COL2A1: variants seen among roughly 807,000 people sequenced by gnomAD.
The protein encoded by COL2A1 is collagen alpha-1(II) chain.
Under a neutral mutation model 204.5 loss-of-function variants are expected in COL2A1, and 28 were observed. The observed-to-expected ratio is 0.14, with a 90% CI of 0.10 to 0.19. The LOEUF (loss-of-function observed/expected upper bound fraction) is 0.19, where lower values mean the gene tolerates loss of function less well. COL2A1 is among the 10% of genes least tolerant of loss of function. COL2A1 has a pLI of 1.00. For missense variants in COL2A1, 1,388 were observed against 2,027.5 expected (o/e 0.68, Z 6.06); for synonymous variants, 708 against 718.7 (o/e 0.99, Z 0.24).
Position 47,978,974 on chromosome 12 carries a change from A to G in COL2A1, c.2734-216T>C, listed in dbSNP as rs1463293642. ...CTGGGCAGACAGCCCCAACTTCTCC[A>G]GCTCCTGCTTGCTTTGCTTTCTCCC... On this transcript the variant is annotated intron_variant, in intron 41 of 53. Coordinates refer to ENST00000380518, the MANE Select transcript of COL2A1 (RefSeq NM_001844.5). This position sits in a 1 kb window ranked among gnomAD's most constrained non-coding sequence, Gnocchi z 5.5. Among the ~76,000 whole-genome samples the G allele has an allele frequency of 6.6e-6, 1 of 151,414 alleles. No homozygotes were observed. Among genetic ancestry groups the G allele is most frequent in the Non-Finnish European group, 1.5e-5 (1 of 67,874 alleles).
At chr12:47,984,468 A>T (rs1939272561) in intron 28 of COL2A1, 78 bp downstream of exon 28, 1 of 1,455,840 alleles carries the variant, frequency 6.9e-7, no homozygotes, top group Non-Finnish European at 9.6e-7. Context: ...GGACCATGCC[A>T]TGGGGAGGCC....
intron 53 of COL2A1, among the ~76,000 whole-genome samples, chr12:47,973,771 C>T (rs1016724735): frequency 6.6e-6 from 1 of 152,150 alleles, no homozygotes; most frequent in African/African-American, 2.4e-5. Context: ...CTGCCCTTCC[C>T]CTCCTTCCCC....
Position 47,992,900 on chromosome 12 carries a change from C to T in COL2A1, c.1001G>A (p.Arg334Gln), listed in dbSNP as rs765231668. The change falls in exon 16 of 54, where the codon CGG becomes CAG. Residue 334 changes from arginine (R) to glutamine (Q), a missense_variant. Coordinates refer to ENST00000380518, the MANE Select transcript of COL2A1 (RefSeq NM_001844.5). The stretch of plus-strand genomic sequence containing the variant: ...CACCGCAGCGCCAGCAGGGCCAGTC[C>T]GTCCTCTTTCACCAGGCAGGCCACG... ...GPRGLPGERG[R>Q]TGPAGAAGAR... 8.1e-6 allele frequency: 13 copies of T among 1,614,086 alleles called. No individual in the cohort carries two copies. In the East Asian group the frequency reaches 1.3e-4, roughly 17 times the overall value.
intron 4 of COL2A1, 27 bp downstream of exon 4, chr12:47,998,142 T>C (rs1592236238): frequency 1.9e-6 from 3 of 1,614,086 alleles, no homozygotes; most frequent in South Asian, 1.1e-5. Context: ...GCAGCTGCAA[T>C]ACCGGGTGAG....
intron 27 of COL2A1, 65 bp from the exon 28 acceptor site, chr12:47,984,664 G>C (rs997430716): frequency 3.3e-6 from 5 of 1,492,680 alleles, no homozygotes; most frequent in African/African-American, 1.4e-5. Context: ...GGCAGAGCGG[G>C]CTGCAGGGAC....
chr12:47,985,643 A>G, intron 25 of COL2A1, 56 bp from the exon 26 acceptor site: 1 of 1,607,064 alleles, frequency 6.2e-7, no homozygotes, highest in Non-Finnish European at 8.5e-7. Context: ...GGACCTCCCA[A>G]TCCTGGCAGT....
At chr12:47,995,501 G>C (rs1201083765) in intron 10 of COL2A1, among the ~76,000 whole-genome samples, 193 bp from the exon 11 acceptor site, 5 of 152,220 alleles carry the variant, frequency 3.3e-5, no homozygotes, top group African/African-American at 1.2e-4. Context: ...CGGAAAGGGG[G>C]CTGTTAGGAC....
rs780774636 is a variant in COL2A1, at chr12:47,984,506, G to A, written c.1887+40C>T. On this transcript the variant is annotated intron_variant, in intron 28 of 53. Coordinates refer to ENST00000380518, the MANE Select transcript of COL2A1 (RefSeq NM_001844.5). ...TCCCCTGTCCTCCCTGCAGATGCCC[G>A]GCCAACACCAAGTCATGGGCAGCGG... 6.6e-5 allele frequency: 107 copies of A among 1,609,548 alleles called. No homozygotes were observed. In the South Asian group the frequency reaches 9.4e-4, roughly 14 times the overall value.
chr12:47,993,083 G>T, intron 15 of COL2A1, 152 bp from the exon 16 acceptor site: 2 of 763,586 alleles, frequency 2.6e-6, no homozygotes, highest in South Asian at 3.0e-5. Flanking sequence ...CTGGCTCCTT[G>T]ACTAGCCAGG....
Position 47,983,407 on chromosome 12 carries a change from T to G in COL2A1, c.2027A>C (p.Glu676Ala). ...GLPGPPGPPG[E>A]GGKPGDQGVP... ...CACCTGGTCACCTGGTTTTCCACCT[T>G]CACCTGGGGGACCAGGAGGGCCAGG... is the stretch of plus-strand genomic sequence containing the variant. Residue 676 changes from glutamate to alanine, a missense_variant, in exon 31 of 54, where the codon GAA becomes GCA. Physicochemically the swap from Glu to Ala is moderately radical, Grantham distance 107. Transcript: ENST00000380518. 6.2e-7 allele frequency: 1 copy of G among 1,614,070 alleles called. No homozygotes were observed.
At chr12:47,974,063 C>CTCT (rs1938568685) in intron 53 of COL2A1, 26 bp downstream of exon 53, 1 of 1,614,034 alleles carries the variant, frequency 6.2e-7, no homozygotes. Context: ...GCACAGGCAG[C>CTCT]TCTTCTCTCT....
intron 37 of COL2A1, 75 bp from the exon 38 acceptor site, chr12:47,981,043 T>C (rs2276458): frequency 1.8e-5 from 26 of 1,445,666 alleles, no homozygotes; most frequent in Non-Finnish European, 2.3e-5. Flanking sequence ...CAAGAGCCCC[T>C]TGGGCCCTGC....
rs190233819 is a variant in COL2A1 at position 47,987,411 on chromosome 12, T to C, written c.1222-98A>G. 2.5e-3 allele frequency: 3,326 copies of C among 1,328,584 alleles called. 13 individuals are homozygous for C. Among genetic ancestry groups the C allele is most frequent in the Non-Finnish European group, 3.2e-3 (2,952 of 931,088 alleles). 82.3% of individuals were successfully genotyped at this position (1,328,584 alleles called of 1,614,324 possible). Reference sequence around the variant, plus strand: ...ATCCAGGGACCTGGCATAGGTGCTGTCCATTTCAGGGACATTCCCACTATG... The same window carrying C: ...ATCCAGGGACCTGGCATAGGTGCTGCCCATTTCAGGGACATTCCCACTATG... On this transcript the variant is annotated intron_variant, in intron 19 of 53. Transcript: ENST00000380518. This position sits in a 1 kb window ranked among gnomAD's most constrained non-coding sequence, Gnocchi z 4.1.
Position 48,000,086 on chromosome 12 carries a change from T to C in COL2A1, c.125A>G (p.Asn42Ser). Residue 42 changes from asparagine to serine, a missense_variant, in exon 2 of 54, where the codon AAT becomes AGT. Asn to Ser is a conservative substitution (Grantham distance 46). Around this residue, in one of 3 missense-constraint regions of COL2A1, gnomAD observed 201 missense variants for 242.4 expected, o/e 0.83. Transcript: ENST00000380518. ...GSCVQDGQRY[N>S]DKDVWKPEPC... ...CTCCGGCTTCCACACATCCTTATCA[T>C]TATACCTCTGCCCATCCTGCACACA... is the stretch of plus-strand genomic sequence containing the variant. 6.2e-7 allele frequency: 1 copy of C among 1,613,686 alleles called. No homozygotes were observed. The highest frequency in any genetic ancestry group is 8.5e-7 in the Non-Finnish European group (1 of 1,179,996).
At chr12:47,984,726 G>A (rs1442538074) in intron 27 of COL2A1, 127 bp from the exon 28 acceptor site, 1 of 921,426 alleles carries the variant, frequency 1.1e-6, no homozygotes, top group Non-Finnish European at 1.7e-6. Context: ...CAAAGTATCA[G>A]CCCTTCTCTT....
chr12:48,002,124 A>C (rs1228119432), intron 1 of COL2A1, among the ~76,000 whole-genome samples: 1 of 151,992 alleles, frequency 6.6e-6, no homozygotes, highest in African/African-American at 2.4e-5. Context: ...CTCCGCGAGG[A>C]ACCAGTTTAA....
In COL2A1 at chr12:47,982,756, T is replaced by A; in HGVS notation, c.2193+92A>T. The A allele has an allele frequency of 1.3e-5, 17 of 1,339,918 alleles. 1 individual carries two copies. In the South Asian group the frequency reaches 2.0e-4, roughly 16 times the overall value. 83.0% of individuals were successfully genotyped at this position (1,339,918 alleles called of 1,614,324 possible). ...CCTTTCCAGCTCCCCCCACTTCTGT[T>A]CTTCATTCCTCCTGAGCCCGCTCCT... is the stretch of plus-strand genomic sequence containing the variant. On this transcript the variant is annotated intron_variant, in intron 33 of 53. Coordinates refer to ENST00000380518, the MANE Select transcript of COL2A1 (RefSeq NM_001844.5).
chr12:48,000,485 G>C (rs887981633), intron 1 of COL2A1, among the ~76,000 whole-genome samples: 12 of 152,170 alleles, frequency 7.9e-5, no homozygotes, highest in African/African-American at 2.9e-4. Flanking sequence ...CGGAAGGGAG[G>C]AGACAAGATA....
intron 17 of COL2A1, 82 bp downstream of exon 17, chr12:47,989,679 T>C (rs1464506562): frequency 8.1e-6 from 10 of 1,232,960 alleles, no homozygotes; most frequent in South Asian, 3.6e-5. Flanking sequence ...TTGCACCCAA[T>C]ACACCCTGCA....
Sources: allele counts gnomAD v4.1 joint callset (sites outside exome capture counted in the v4.1 genomes callset), GRCh38; gene constraint gnomAD v4.1.1; regional missense constraint gnomAD v4.1.1; non-coding constraint Gnocchi (gnomAD v3.1); transcripts MANE v1.5; gene names NCBI Gene and HGNC (gene_info 2026-07-23, HGNC 2026-07-21).